RAPGEF2: variants seen among roughly 807,000 people sequenced by gnomAD.
RAPGEF2 encodes the protein PDZ domain containing guanine nucleotide exchange factor (GEF) 1.
RAPGEF2 carries 54 observed loss-of-function variants against 186.7 expected under a neutral mutation model. The observed-to-expected ratio is 0.29, with a 90% CI of 0.23 to 0.36. RAPGEF2 has a LOEUF of 0.36. Among genes scored for constraint, RAPGEF2 ranks in the 10% least tolerant of loss-of-function variants. The pLI, the probability that RAPGEF2 is intolerant of heterozygous loss-of-function variation, is 1.00. For missense variants in RAPGEF2, 1,532 were observed against 2,045.0 expected (o/e 0.75, Z 4.84); for synonymous variants, 712 against 705.9 (o/e 1.01, Z -0.14).
In RAPGEF2 at chr4:159,142,616, A is replaced by C. The variant is rs7693010; in HGVS notation, c.69+38385A>C. On this transcript the variant is annotated intron_variant, in intron 1 of 29. Transcript: ENST00000691494. ...AAAATAAAAATACATAAACAAAATA[A>C]ATGTAAATGTCAAAGAAATAAAAAT... Among the ~76,000 whole-genome samples, 676 of 152,198 alleles carry C rather than the reference A, an allele frequency of 4.4e-3. 12 individuals are homozygous for C. The highest frequency in any genetic ancestry group is 0.038 in the South Asian group (184 of 4,826).
At chr4:159,238,656 G>A (rs1014863645) in intron 4 of RAPGEF2, among the ~76,000 whole-genome samples, 153 bp from the exon 5 acceptor site, 3 of 152,086 alleles carry the variant, frequency 2.0e-5, no homozygotes, top group African/African-American at 7.2e-5. Context: ...GTCATTCTGT[G>A]TAAATTATTA....
chr4:159,263,066 G>T (rs1757051053), intron 7 of RAPGEF2, among the ~76,000 whole-genome samples: 1 of 152,042 alleles, frequency 6.6e-6, no homozygotes, highest in Non-Finnish European at 1.5e-5. Flanking sequence ...AACCAGAAGT[G>T]CCATTTCACT....
chr4:159,172,455 C>T (rs558606332), intron 1 of RAPGEF2, among the ~76,000 whole-genome samples: 2 of 152,156 alleles, frequency 1.3e-5, no homozygotes, highest in East Asian at 3.8e-4. Context: ...TTCACTCTTA[C>T]CACCCCAAGG....
In RAPGEF2 at chr4:159,323,563, C is replaced by T. The variant is rs893020496; in HGVS notation, c.1095C>T (p.Thr365=). 4.3e-6 allele frequency: 7 copies of T among 1,611,836 alleles called. No homozygotes were observed. The highest frequency in any genetic ancestry group is 1.3e-5 in the African/African-American group (1 of 74,760). The change falls in exon 11 of 30, where the codon ACC becomes ACT. Residue 365 remains threonine, a synonymous_variant. Coordinates refer to ENST00000691494, the MANE Select transcript of RAPGEF2 (RefSeq NM_001394067.2). The part of the protein sequence containing the change: ...CMGNSFGVSP[T]MDKEYMKGVM... Reference sequence around the variant, plus strand: ...GAAATAGTTTTGGTGTCTCTCCTACCATGGACAAAGAATACATGAAAGGAG... The same window carrying T: ...GAAATAGTTTTGGTGTCTCTCCTACTATGGACAAAGAATACATGAAAGGAG...
chr4:159,203,662 T>C (rs1395659505), intron 3 of RAPGEF2, among the ~76,000 whole-genome samples: 1 of 152,188 alleles, frequency 6.6e-6, no homozygotes, highest in Non-Finnish European at 1.5e-5. Context: ...ATGTGTGGCC[T>C]GGCCGAACAG....
intron 7 of RAPGEF2, among the ~76,000 whole-genome samples, chr4:159,271,216 A>C (rs1288373958): frequency 6.6e-6 from 1 of 152,112 alleles, no homozygotes; most frequent in African/African-American, 2.4e-5. Context: ...AAAATTTCCC[A>C]ATATAGGATG....
intron 4 of RAPGEF2, among the ~76,000 whole-genome samples, chr4:159,226,252 A>G (rs910038110): frequency 2.0e-5 from 3 of 152,180 alleles, no homozygotes; most frequent in Admixed American, 1.3e-4. Flanking sequence ...TCAATCCATC[A>G]AATTGCCTTG....
At position 159,358,735 on chromosome 4, in the gene RAPGEF2, A is replaced by G. The variant is rs1356515311; in HGVS notation, c.*596A>G. ...GTAAATATATATCCATTTAATGATT[A>G]CAGTATTATTTTAAACCTTAAGTAG... is the stretch of plus-strand genomic sequence containing the variant. On this transcript the variant is annotated 3_prime_UTR_variant, in exon 30 of 30. Transcript: ENST00000691494. 1 of 152,182 alleles carries G rather than the reference A, an allele frequency of 6.6e-6. No homozygotes were observed. Among genetic ancestry groups the G allele is most frequent in the Non-Finnish European group, 1.5e-5 (1 of 68,042 alleles). The allele number at this position is 152,182 out of a possible 1,614,324, so 9.4% of individuals were successfully genotyped here. A position where few individuals can be genotyped will look rare whatever the true frequency, so the allele number is the denominator to read the frequency against.
chr4:159,167,656 A>G (rs1278221533), intron 1 of RAPGEF2, among the ~76,000 whole-genome samples: 1 of 152,188 alleles, frequency 6.6e-6, no homozygotes, highest in Non-Finnish European at 1.5e-5. Context: ...TTGTCTTACT[A>G]GAAAGGACAA....
At chr4:159,165,920 A>G (rs1216374334) in intron 1 of RAPGEF2, among the ~76,000 whole-genome samples, 1 of 152,220 alleles carries the variant, frequency 6.6e-6, no homozygotes, top group East Asian at 1.9e-4. Flanking sequence ...AAAATGTGAA[A>G]AGAAATCACA....
intron 1 of RAPGEF2, among the ~76,000 whole-genome samples, chr4:159,151,186 T>C (rs552719986): frequency 6.6e-6 from 1 of 152,300 alleles, no homozygotes; most frequent in African/African-American, 2.4e-5. Flanking sequence ...TCAGTGTAGA[T>C]GCAGGTTCAA....
rs562176485 is a variant in RAPGEF2 at position 159,123,664 on chromosome 4, G to C, written c.69+19433G>C. 3.0e-3 allele frequency among the ~76,000 whole-genome samples: 457 copies of C among 150,354 alleles called. 3 individuals carry two copies. The highest frequency in any genetic ancestry group is 4.0e-3 in the Non-Finnish European group (269 of 67,692). ...CTCCCGAGTAGCTGGGACTACAGGC[G>C]CCCACCACCGCGCCCGGCTAATTTT... On this transcript the variant is annotated intron_variant, in intron 1 of 29. Coordinates refer to ENST00000691494, the MANE Select transcript of RAPGEF2 (RefSeq NM_001394067.2).
chr4:159,237,842 T>TAAAAA (rs58593781), intron 4 of RAPGEF2, among the ~76,000 whole-genome samples: 21 of 66,928 alleles, frequency 3.1e-4, no homozygotes, highest in African/African-American at 7.7e-4. Flanking sequence ...CTACAAAAAT[T>TAAAAA]AAAAAAAAAA....
chr4:159,332,806 T>C, intron 17 of RAPGEF2, 109 bp downstream of exon 17: 2 of 1,318,418 alleles, frequency 1.5e-6, no homozygotes, highest in Admixed American at 2.7e-5. Flanking sequence ...TTCTAGGTTT[T>C]TATGACTGAG....
intron 4 of RAPGEF2, among the ~76,000 whole-genome samples, chr4:159,238,305 T>C (rs1026863023): frequency 6.6e-6 from 1 of 152,234 alleles, no homozygotes; most frequent in African/African-American, 2.4e-5. Flanking sequence ...TGAGTATCTT[T>C]TTCTTAAAAC....
chr4:159,229,108 C>T (rs1483647210), intron 4 of RAPGEF2, among the ~76,000 whole-genome samples: 1 of 152,104 alleles, frequency 6.6e-6, no homozygotes, highest in South Asian at 2.1e-4. Flanking sequence ...TAGTAACTGC[C>T]TATCATTTTC....
chr4:159,190,298 C>G (rs1747980972), intron 2 of RAPGEF2, among the ~76,000 whole-genome samples: 1 of 152,086 alleles, frequency 6.6e-6, no homozygotes. Context: ...TCTCTGGAAG[C>G]TTTGTGGGGC....
Position 159,358,356 on chromosome 4 carries a change from T to C in RAPGEF2, c.*217T>C, listed in dbSNP as rs1732346163. On this transcript the variant is annotated 3_prime_UTR_variant, in exon 30 of 30. Transcript: ENST00000691494. ...AATTGCCCTGGCACTTTTCAGACTT[T>C]GTTGCTTGAAATGCACAGTGCAGCA... 5 of 539,800 alleles carry C rather than the reference T, an allele frequency of 9.3e-6. No homozygotes were observed. The highest frequency in any genetic ancestry group is 1.6e-5 in the Non-Finnish European group (5 of 306,306). The allele number at this position is 539,800 out of a possible 1,614,324, so 33.4% of individuals were successfully genotyped here.
At chr4:159,275,852 T>C (rs1306823715) in intron 7 of RAPGEF2, among the ~76,000 whole-genome samples, 2 of 152,054 alleles carry the variant, frequency 1.3e-5, no homozygotes, top group Non-Finnish European at 2.9e-5. Flanking sequence ...CCCTCTCTTT[T>C]CTTAGGGAAA....
Sources: gnomAD v4.1 joint callset for allele counts (sites outside exome capture counted in the v4.1 genomes callset) on GRCh38, gnomAD v4.1.1 for gene constraint, MANE v1.5 for transcripts, NCBI Gene and HGNC (gene_info 2026-07-23, HGNC 2026-07-21) for gene names.